The following VAX1 variants were observed in gnomAD, a reference collection of about 807,000 sequenced individuals.
VAX1 encodes ventral anterior homeobox 1.
VAX1 carries 6 observed loss-of-function variants against 17.6 expected under a neutral mutation model. That is an observed-to-expected ratio of 0.34 (90% CI 0.19 to 0.67). The LOEUF (loss-of-function observed/expected upper bound fraction) is 0.67, where lower values mean the gene tolerates loss of function less well. VAX1 is among the 30% of genes least tolerant of loss of function. The probability of loss-of-function intolerance (pLI) is 0.69; values close to 1 mark genes in which losing one functional copy is unlikely to be tolerated. For synonymous variants in VAX1, 256 were observed against 227.4 expected, an observed-to-expected ratio of 1.13 and a Z score of -1.13; for missense variants, 408 against 463.7, an observed-to-expected ratio of 0.88 and a Z score of 1.10.
Position 117,134,779 on chromosome 10 carries a change from G to C in VAX1, c.430-196C>G, listed in dbSNP as rs1013518654. ...GCGCCGCCACGAGGGGGACACAGCT[G>C]CTCCACCGGGCTGCGCTTCCGGGTC... On this transcript the variant is annotated intron_variant, in intron 2 of 2. Coordinates refer to ENST00000369206, the MANE Select transcript of VAX1 (RefSeq NM_001112704.2). The surrounding 1 kb of genome is among the most constrained non-coding windows in gnomAD (Gnocchi z 6.2). 2.0e-5 allele frequency among the ~76,000 whole-genome samples: 3 copies of C among 152,070 alleles called. No homozygotes were observed. Among genetic ancestry groups the C allele is most frequent in the Non-Finnish European group, 1.5e-5 (1 of 68,004 alleles).
At chr10:117,129,839 G>C (rs1459112343), downstream of VAX1, 1 of 152,074 alleles carries the variant, frequency 6.6e-6, no homozygotes, top group African/African-American at 2.4e-5. Flanking sequence ...TAGAGGGAAA[G>C]AGTTGGGACA....
Position 117,136,508 on chromosome 10 carries a change from G to C in VAX1, c.393C>G (p.Thr131=). The part of the protein sequence containing the change: ...RCQYVVGRER[T]ELARQLNLSE... ...AGAGGTTAAGCTGCCGGGCGAGCTC[G>C]GTCCTCTCGCGGCCCACCACGTACT... The change falls in exon 2 of 3, where the codon ACC becomes ACG. Residue 131 remains threonine (T), a synonymous_variant. Transcript: ENST00000369206. This position sits in a 1 kb window ranked among gnomAD's most constrained non-coding sequence, Gnocchi z 5.0. The C allele has an allele frequency of 1.2e-6, 2 of 1,613,840 alleles. No individual in the cohort carries two copies. The highest frequency in any genetic ancestry group is 1.7e-6 in the Non-Finnish European group (2 of 1,180,020).
At chr10:117,128,600 CTG>C (rs1418382020), downstream of VAX1, 1 of 152,132 alleles carries the variant, frequency 6.6e-6, no homozygotes, top group Non-Finnish European at 1.5e-5. Context: ...TATTTATTTT[CTG>C]TTTCAGGGTA....
In VAX1 at chr10:117,137,831, G is replaced by C. The variant is rs762901857; in HGVS notation, c.226C>G (p.Arg76Gly). The C allele has an allele frequency of 6.2e-7, 1 of 1,612,592 alleles. No individual in the cohort carries two copies. Among genetic ancestry groups the C allele is most frequent in the Non-Finnish European group, 8.5e-7 (1 of 1,179,940 alleles). ...NSAADPDYCR[R>G]ILVRDAKGSI... ...CCATCCCTACCTCGGACCAGGATCCGGCGGCAGTAATCCGGGTCCGCTGCG... is the reference window on the plus strand; with the variant it reads ...CCATCCCTACCTCGGACCAGGATCCCGCGGCAGTAATCCGGGTCCGCTGCG... The change falls in exon 1 of 3, where the codon CGG becomes GGG. Residue 76 changes from arginine (R) to glycine (G), a missense_variant. Arg to Gly is a moderately radical substitution (Grantham distance 125, BLOSUM62 -2). Transcript: ENST00000369206. This position sits in a 1 kb window ranked among gnomAD's most constrained non-coding sequence, Gnocchi z 7.4.
In VAX1 at chr10:117,137,920, T is replaced by A; in HGVS notation, c.137A>T (p.Glu46Val). 1 of 1,613,776 alleles carries A rather than the reference T, an allele frequency of 6.2e-7. No homozygotes were observed. The highest frequency in any genetic ancestry group is 8.5e-7 in the Non-Finnish European group (1 of 1,179,950). ...CGACGCTGAGAAGGCGCCCTGCGGC[T>A]CCTTGAGGAAGGCGGCTGGGAGGTT... is the stretch of plus-strand genomic sequence containing the variant. ...EGNLPAAFLK[E>V]PQGAFSASGA... The change falls in exon 1 of 3, where the codon GAG becomes GTG. Residue 46 changes from glutamate to valine, a missense_variant. Glu to Val is a moderately radical substitution (Grantham distance 121). Transcript: ENST00000369206. This position sits in a 1 kb window ranked among gnomAD's most constrained non-coding sequence, Gnocchi z 7.4.
downstream of VAX1, chr10:117,132,012 C>T (rs1327738345): frequency 1.8e-6 from 1 of 567,250 alleles, no homozygotes; most frequent in African/African-American, 1.9e-5. This position sits in a 1 kb window ranked among gnomAD's most constrained non-coding sequence, Gnocchi z 4.9. Context: ...CCTAAATAAA[C>T]TAAGAATTAC....
downstream of VAX1, chr10:117,129,565 G>A (rs1854058191): frequency 6.6e-6 from 1 of 152,348 alleles, no homozygotes; most frequent in Admixed American, 6.6e-5. Flanking sequence ...TCAAACAGGA[G>A]AAAGACACTG....
Position 117,137,691 on chromosome 10 carries a change from G to T in VAX1, c.241+125C>A. The T allele has an allele frequency of 6.4e-7, 1 of 1,572,932 alleles. No homozygotes were observed. The highest frequency in any genetic ancestry group is 8.5e-7 in the Non-Finnish European group (1 of 1,169,924). On this transcript the variant is annotated intron_variant, in intron 1 of 2. Transcript: ENST00000369206. This position sits in a 1 kb window ranked among gnomAD's most constrained non-coding sequence, Gnocchi z 7.4. Reference sequence around the variant, plus strand: ...CCCAGCCGGACTCGGGGCGGGGAGGGCCAACAACTTTCTCCCAAGTCCCAG... The same window carrying T: ...CCCAGCCGGACTCGGGGCGGGGAGGTCCAACAACTTTCTCCCAAGTCCCAG...
Position 117,136,063 on chromosome 10 carries a change from G to A in VAX1, c.429+409C>T, listed in dbSNP as rs1854172730. Among the ~76,000 whole-genome samples the A allele has an allele frequency of 6.6e-6, 1 of 152,260 alleles. No homozygotes were observed. Among genetic ancestry groups the A allele is most frequent in the Non-Finnish European group, 1.5e-5 (1 of 68,052 alleles). On this transcript the variant is annotated intron_variant, in intron 2 of 2. Transcript: ENST00000369206. This position sits in a 1 kb window ranked among gnomAD's most constrained non-coding sequence, Gnocchi z 5.0. Reference sequence around the variant, plus strand: ...CCTGTAGAATGGGCCTGGACGCTGAGTACAGCTGGGTGGGCCCACAAGGGG... The same window carrying A: ...CCTGTAGAATGGGCCTGGACGCTGAATACAGCTGGGTGGGCCCACAAGGGG...
chr10:117,138,174 C>T lies in VAX1; in HGVS notation c.-118G>A, dbSNP rs1185612064. On this transcript the variant is annotated 5_prime_UTR_variant, in exon 1 of 3. Coordinates refer to ENST00000369206, the MANE Select transcript of VAX1 (RefSeq NM_001112704.2). ...GGGGACAAAACCCCCGACAACGCGG[C>T]CCGTACGCCCGGCCCGGCGACAGGC... 2.6e-6 allele frequency: 3 copies of T among 1,139,390 alleles called. No homozygotes were observed. Among genetic ancestry groups the T allele is most frequent in the South Asian group, 1.4e-5 (1 of 69,588 alleles). 70.6% of individuals were successfully genotyped at this position (1,139,390 alleles called of 1,614,324 possible).
Position 117,134,595 on chromosome 10 carries a change from G to T in VAX1, c.430-12C>A. On this transcript the variant is annotated splice_polypyrimidine_tract_variant and intron_variant, in intron 2 of 2. Transcript: ENST00000369206. The surrounding 1 kb of genome is among the most constrained non-coding windows in gnomAD (Gnocchi z 6.2). Reference sequence around the variant, plus strand: ...AACCAGACCTTCACCTGCGCGCCGGGGTGCGGGGAGAGTTGGAGAGAGGGG... The same window carrying T: ...AACCAGACCTTCACCTGCGCGCCGGTGTGCGGGGAGAGTTGGAGAGAGGGG... 2 of 1,515,074 alleles carry T rather than the reference G, an allele frequency of 1.3e-6. No homozygotes were observed. The highest frequency in any genetic ancestry group is 1.8e-6 in the Non-Finnish European group (2 of 1,133,412). 93.9% of individuals were successfully genotyped at this position (1,515,074 alleles called of 1,614,324 possible). A position where few individuals can be genotyped will look rare whatever the true frequency, so the allele number is the denominator to read the frequency against.
At position 117,136,464 on chromosome 10, in the gene VAX1, C is replaced by G. The variant is rs781469809; in HGVS notation, c.429+8G>C. 3.7e-6 allele frequency: 6 copies of G among 1,612,392 alleles called. No homozygotes were observed. The East Asian group carries it at 1.3e-4, about 36-fold the overall frequency. The stretch of plus-strand genomic sequence containing the variant: ...TGCAGAACTGTGTGCGGCCTGGTCG[C>G]CGGGTACCTGGGTCTCGGAGAGGTT... On this transcript the variant is annotated splice_region_variant and intron_variant, in intron 2 of 2. Coordinates refer to ENST00000369206, the MANE Select transcript of VAX1 (RefSeq NM_001112704.2). The surrounding 1 kb of genome is among the most constrained non-coding windows in gnomAD (Gnocchi z 5.0).
At position 117,133,749 on chromosome 10, in the gene VAX1, T is replaced by G; in HGVS notation, c.*259A>C. 8.2e-7 allele frequency: 1 copy of G among 1,220,422 alleles called. No homozygotes were observed. Among genetic ancestry groups the G allele is most frequent in the Non-Finnish European group, 1.0e-6 (1 of 981,552 alleles). The allele number at this position is 1,220,422 out of a possible 1,614,324, so 75.6% of individuals were successfully genotyped here. A position where few individuals can be genotyped will look rare whatever the true frequency, so the allele number is the denominator to read the frequency against. On this transcript the variant is annotated 3_prime_UTR_variant, in exon 3 of 3. Transcript: ENST00000369206. Reference sequence around the variant, plus strand: ...CATCAGGTTGACTAACTCGGGCATTTTTCCCAATTCTTTGGATCGCTCCTG... The same window carrying G: ...CATCAGGTTGACTAACTCGGGCATTGTTCCCAATTCTTTGGATCGCTCCTG...
At chr10:117,129,034 A>G (rs1854051440), downstream of VAX1, 2 of 152,266 alleles carry the variant, frequency 1.3e-5, no homozygotes, top group Non-Finnish European at 1.5e-5. Context: ...CGACGTAGAA[A>G]TGGTGTTAAA....
chr10:117,134,239 C>G lies in VAX1; in HGVS notation c.774G>C (p.Pro258=). Residue 258 remains proline (P), a synonymous_variant, in exon 3 of 3, where the codon CCG becomes CCC. Coordinates refer to ENST00000369206, the MANE Select transcript of VAX1 (RefSeq NM_001112704.2). This position sits in a 1 kb window ranked among gnomAD's most constrained non-coding sequence, Gnocchi z 6.2. The part of the protein sequence containing the change: ...GGAPGPGPAG[P]GGLHAGAPAA... ...CCGGGGCGCCTGCGTGCAATCCCCCCGGCCCGGCGGGCCCGGGACCTGGAG... is the reference window on the plus strand; with the variant it reads ...CCGGGGCGCCTGCGTGCAATCCCCCGGGCCCGGCGGGCCCGGGACCTGGAG... 1 of 1,404,650 alleles carries G rather than the reference C, an allele frequency of 7.1e-7. No homozygotes were observed. The highest frequency in any genetic ancestry group is 1.6e-5 in the South Asian group (1 of 63,020). 87.0% of individuals were successfully genotyped at this position (1,404,650 alleles called of 1,614,324 possible).
Position 117,138,236 on chromosome 10 carries a change from G to A in VAX1, c.-180C>T. 1.3e-6 allele frequency: 1 copy of A among 777,618 alleles called. No individual in the cohort carries two copies. Among genetic ancestry groups the A allele is most frequent in the East Asian group, 2.7e-5 (1 of 36,704 alleles). 48.2% of individuals were successfully genotyped at this position (777,618 alleles called of 1,614,324 possible). On this transcript the variant is annotated 5_prime_UTR_variant, in exon 1 of 3. Transcript: ENST00000369206. ...ATGAATGTCCCCGCGGGGAGGCTTC[G>A]GCGGCCGCGCGCGGGTCAGCGGCGA...
chr10:117,136,245 A>G lies in VAX1; in HGVS notation c.429+227T>C, dbSNP rs906215160. Among the ~76,000 whole-genome samples, 4 of 152,386 alleles carry G rather than the reference A, an allele frequency of 2.6e-5. No individual in the cohort carries two copies. The highest frequency in any genetic ancestry group is 3.9e-4 in the East Asian group (2 of 5,182). ...GCCTTCTGGGCCTAGGCCAAGGTGG[A>G]TAAAACATGGGCCCTGGAGGATTTG... is the stretch of plus-strand genomic sequence containing the variant. On this transcript the variant is annotated intron_variant, in intron 2 of 2. Coordinates refer to ENST00000369206, the MANE Select transcript of VAX1 (RefSeq NM_001112704.2). The surrounding 1 kb of genome is among the most constrained non-coding windows in gnomAD (Gnocchi z 5.0).
chr10:117,137,245 G>T lies in VAX1; in HGVS notation c.241+571C>A, dbSNP rs919575069. On this transcript the variant is annotated intron_variant, in intron 1 of 2. Transcript: ENST00000369206. The surrounding 1 kb of genome is among the most constrained non-coding windows in gnomAD (Gnocchi z 7.4). ...AGTGCACGCCGCGCCATCCGAGAGC[G>T]GCAGAGCAGAGCACCAAAGCGGCAA... is the stretch of plus-strand genomic sequence containing the variant. Among the ~76,000 whole-genome samples the T allele has an allele frequency of 6.6e-6, 1 of 152,106 alleles. No individual in the cohort carries two copies. The highest frequency in any genetic ancestry group is 2.4e-5 in the African/African-American group (1 of 41,444).
At chr10:117,132,216 G>A (rs1287786989), downstream of VAX1, 8 of 1,613,598 alleles carry the variant, frequency 5.0e-6, no homozygotes, top group African/African-American at 8.0e-5. The surrounding 1 kb of genome is among the most constrained non-coding windows in gnomAD (Gnocchi z 4.9). Flanking sequence ...GCACTATAGG[G>A]GCTGCCACCC....
Sources: gnomAD v4.1 joint callset for allele counts (sites outside exome capture counted in the v4.1 genomes callset) on GRCh38, gnomAD v4.1.1 for gene constraint, Gnocchi (gnomAD v3.1) non-coding constraint, MANE v1.5 for transcripts, NCBI Gene and HGNC (gene_info 2026-07-23, HGNC 2026-07-21) for gene names.